Variants in RNF38 observed in about 807,000 individuals in gnomAD.
RNF38 encodes ring finger protein 38, also known as E3 ubiquitin-protein ligase RNF38.
A neutral mutation model predicts 67.2 loss-of-function variants in RNF38; 15 were observed. The observed-to-expected ratio is 0.22, with a 90% CI of 0.15 to 0.34. The LOEUF (loss-of-function observed/expected upper bound fraction) is 0.34. RNF38 is among the 10% of genes least tolerant of loss of function. RNF38 has a pLI of 1.00. For synonymous variants in RNF38, 220 were observed against 218.8 expected (o/e 1.01, Z -0.05); for missense variants, 524 against 639.9 (o/e 0.82, Z 1.95).
chr9:36,391,449 G>C (rs1227065565), intron 1 of RNF38, among the ~76,000 whole-genome samples: 1 of 151,230 alleles, frequency 6.6e-6, no homozygotes, highest in African/African-American at 2.4e-5. Flanking sequence ...TTCTTCTTGG[G>C]GGGTTAAGGC....
intron 2 of RNF38, among the ~76,000 whole-genome samples, chr9:36,412,219 T>G (rs1369116928): frequency 6.6e-6 from 1 of 152,214 alleles, no homozygotes; most frequent in Non-Finnish European, 1.5e-5. Context: ...CCAATCCGCA[T>G]CCACCATGCT....
chr9:36,460,205 A>T (rs1839694369), intron 1 of RNF38, among the ~76,000 whole-genome samples: 1 of 152,214 alleles, frequency 6.6e-6, no homozygotes, highest in South Asian at 2.1e-4. Flanking sequence ...AGGATTAAAA[A>T]CAGTAAAGAG....
chr9:36,405,935 T>G (rs138128765), upstream of RNF38, among the ~76,000 whole-genome samples: 13 of 152,332 alleles, frequency 8.5e-5, no homozygotes, highest in East Asian at 2.5e-3. Flanking sequence ...GTGACCAGTT[T>G]TGCATTTCTA....
At chr9:36,483,888 G>T (rs1418032329) in intron 1 of RNF38, among the ~76,000 whole-genome samples, 1 of 152,100 alleles carries the variant, frequency 6.6e-6, no homozygotes, top group Non-Finnish European at 1.5e-5. Context: ...GTAGGTAGTG[G>T]GCCCCTTAGC....
At chr9:36,357,987 A>G in intron 4 of RNF38, 45 bp from the exon 5 acceptor site, 1 of 1,528,908 alleles carries the variant, frequency 6.5e-7, no homozygotes, top group Non-Finnish European at 9.0e-7. Context: ...TGTTTAGATA[A>G]AATGTTAACT....
intron 2 of RNF38, among the ~76,000 whole-genome samples, chr9:36,422,886 A>G (rs1014447123): frequency 2.6e-5 from 4 of 152,226 alleles, no homozygotes; most frequent in African/African-American, 9.6e-5. Flanking sequence ...GACAGGAAGT[A>G]CCTGGCAAAG....
chr9:36,357,264 A>T (rs1291367087), intron 5 of RNF38, among the ~76,000 whole-genome samples: 1 of 152,196 alleles, frequency 6.6e-6, no homozygotes, highest in Non-Finnish European at 1.5e-5. Flanking sequence ...TGAGCAAGTC[A>T]TATTTAACTT....
rs1834101943 is a variant in RNF38, at chr9:36,356,299, C to T, written c.909+4G>A. ...CATTCTGACATAATAGTAGAGATAC[C>T]TACCGATCGTGATTGCTGTGTTTGG... On this transcript the variant is annotated splice_donor_region_variant and intron_variant, in intron 6 of 11. Transcript: ENST00000259605. The T allele has an allele frequency of 6.2e-7, 1 of 1,613,638 alleles. No individual in the cohort carries two copies. The highest frequency in any genetic ancestry group is 1.3e-5 in the African/African-American group (1 of 74,984).
chr9:36,477,360 T>C (rs932316827), intron 1 of RNF38, among the ~76,000 whole-genome samples: 3 of 151,500 alleles, frequency 2.0e-5, no homozygotes, highest in Non-Finnish European at 4.4e-5. Context: ...ATCAACTCTT[T>C]GGTGCATTTC....
intron 1 of RNF38, among the ~76,000 whole-genome samples, chr9:36,392,864 C>A (rs1298146771): frequency 6.6e-6 from 1 of 152,048 alleles, no homozygotes; most frequent in East Asian, 1.9e-4. Flanking sequence ...AAGCAGCCAA[C>A]TGTAACATAA....
chr9:36,371,287 C>T (rs575953996), intron 3 of RNF38, among the ~76,000 whole-genome samples: 4 of 152,282 alleles, frequency 2.6e-5, no homozygotes, highest in South Asian at 4.1e-4. Context: ...GAGATCAACT[C>T]GCAAAGGTGC....
chr9:36,375,609 C>G (rs1354726103), intron 3 of RNF38, among the ~76,000 whole-genome samples: 2 of 152,196 alleles, frequency 1.3e-5, no homozygotes, highest in East Asian at 3.9e-4. Context: ...TATATCCTTA[C>G]AGTTATGAAC....
In RNF38 at chr9:36,363,361, G is replaced by A. The variant is rs192284376; in HGVS notation, c.571-5419C>T. Reference sequence around the variant, plus strand: ...TGATTACACTAAGAATGGAATTGCTGGATTACTGGGTAGGTGTATGTTTGA... The same window carrying A: ...TGATTACACTAAGAATGGAATTGCTAGATTACTGGGTAGGTGTATGTTTGA... On this transcript the variant is annotated intron_variant, in intron 4 of 11. Transcript: ENST00000259605. Among the ~76,000 whole-genome samples the A allele has an allele frequency of 1.4e-4, 14 of 100,990 alleles. 5 individuals carry two copies. The highest frequency in any genetic ancestry group is 4.1e-4 in the African/African-American group (14 of 33,774). 66.3% of individuals were successfully genotyped at this position (100,990 alleles called of 152,430 possible). A position where few individuals can be genotyped will look rare whatever the true frequency, so the allele number is the denominator to read the frequency against.
At chr9:36,400,824 C>T, upstream of RNF38, 1 of 985,192 alleles carries the variant, frequency 1.0e-6, no homozygotes, top group Non-Finnish European at 1.2e-6. Context: ...ATCCTCTCCG[C>T]CCCCACGCCC....
chr9:36,397,035 ATATACGTATATACACATGTATATATACG>A (rs1837570028), intron 1 of RNF38, among the ~76,000 whole-genome samples: 11 of 150,862 alleles, frequency 7.3e-5, no homozygotes, highest in Admixed American at 4.0e-4. Context: ...GTATATACGT[ATATACGTATATACACATGTATATATACG>A]TATATATATG....
intron 1 of RNF38, among the ~76,000 whole-genome samples, chr9:36,460,469 A>G (rs1839701214): frequency 6.6e-6 from 1 of 152,202 alleles, no homozygotes; most frequent in Admixed American, 6.5e-5. Context: ...ATCACCAAGA[A>G]CAGGGTTGAT....
intron 2 of RNF38, among the ~76,000 whole-genome samples, chr9:36,386,760 C>G (rs1432815394): frequency 2.0e-5 from 3 of 152,198 alleles, no homozygotes; most frequent in Non-Finnish European, 2.9e-5. Flanking sequence ...AGCACCATGA[C>G]AGTTTACAAA....
intron 1 of RNF38, among the ~76,000 whole-genome samples, chr9:36,445,768 C>T (rs1186952414): frequency 6.6e-6 from 1 of 152,238 alleles, no homozygotes; most frequent in Non-Finnish European, 1.5e-5. Context: ...AGATTGCCAG[C>T]TGATATCAAG....
intron 1 of RNF38, among the ~76,000 whole-genome samples, chr9:36,446,358 C>G (rs1839299938): frequency 6.6e-6 from 1 of 152,206 alleles, no homozygotes; most frequent in African/African-American, 2.4e-5. Context: ...TTGAGGACAA[C>G]AGAAATTCAG....
Sources: gnomAD v4.1 joint callset for allele counts (sites outside exome capture counted in the v4.1 genomes callset) on GRCh38, gnomAD v4.1.1 for gene constraint, MANE v1.5 for transcripts, NCBI Gene and HGNC (gene_info 2026-07-23, HGNC 2026-07-21) for gene names.